SYNPR: variants seen among roughly 807,000 people sequenced by gnomAD.
SYNPR encodes the protein synaptoporin.
In SYNPR, 23 loss-of-function variants were observed where a neutral mutation model predicts 32.9. The ratio of observed to expected loss-of-function variants is 0.70; its 90% CI spans 0.50 to 0.99. The LOEUF (loss-of-function observed/expected upper bound fraction) is 0.99. Among genes scored for constraint, SYNPR ranks in the 50% least tolerant of loss-of-function variants. SYNPR has a pLI of 0.00. For synonymous variants in SYNPR, 146 were observed against 135.9 expected, an observed-to-expected ratio of 1.07 and a Z score of -0.52; for missense variants, 318 against 349.3, an observed-to-expected ratio of 0.91 and a Z score of 0.71.
At chr3:63,300,066 A>C (rs1411969913) in intron 2 of SYNPR, among the ~76,000 whole-genome samples, 1 of 152,114 alleles carries the variant, frequency 6.6e-6, no homozygotes, top group Non-Finnish European at 1.5e-5. Context: ...TGTGTTATTC[A>C]CTATGGTACT....
At chr3:63,279,442 T>C (rs1461176328) in intron 2 of SYNPR, among the ~76,000 whole-genome samples, 1 of 152,162 alleles carries the variant, frequency 6.6e-6, no homozygotes, top group Non-Finnish European at 1.5e-5. Flanking sequence ...TTTAGGAAGT[T>C]GTATTCCACT....
intron 4 of SYNPR, among the ~76,000 whole-genome samples, chr3:63,595,831 AGTTATATATATAG>A (rs1699943843): frequency 8.6e-5 from 5 of 57,934 alleles, no homozygotes; most frequent in East Asian, 4.8e-4. Context: ...ATATATATAT[AGTTATATATATAG>A]TTTTATATAT....
intron 2 of SYNPR, among the ~76,000 whole-genome samples, chr3:63,370,049 C>T (rs2087776531): frequency 6.6e-6 from 1 of 152,064 alleles, no homozygotes. Flanking sequence ...AATTTAAAAC[C>T]TGTTTGTGAG....
At chr3:63,322,304 C>T (rs1243139206) in intron 2 of SYNPR, among the ~76,000 whole-genome samples, 1 of 152,040 alleles carries the variant, frequency 6.6e-6, no homozygotes, top group Non-Finnish European at 1.5e-5. Flanking sequence ...CATTTCAGTG[C>T]CACATGTGGA....
chr3:63,308,831 C>T (rs1017566883), intron 2 of SYNPR, among the ~76,000 whole-genome samples: 23 of 151,912 alleles, frequency 1.5e-4, no homozygotes, highest in African/African-American at 4.8e-4. Context: ...ATTCATTAGA[C>T]TTCCTTGATC....
At chr3:63,425,592 T>C (rs140145541) in intron 2 of SYNPR, among the ~76,000 whole-genome samples, 17 of 152,236 alleles carry the variant, frequency 1.1e-4, no homozygotes, top group African/African-American at 3.4e-4. Context: ...ACTATTTTCA[T>C]TGAATTCTTA....
chr3:63,461,637 C>A (rs1700585716), intron 2 of SYNPR, among the ~76,000 whole-genome samples: 1 of 151,854 alleles, frequency 6.6e-6, no homozygotes, highest in African/African-American at 2.4e-5. Flanking sequence ...ATGCCAGGCT[C>A]TGCTTGTCTT....
chr3:63,353,458 T>G (rs1277728760), intron 2 of SYNPR, among the ~76,000 whole-genome samples: 1 of 152,224 alleles, frequency 6.6e-6, no homozygotes, highest in Non-Finnish European at 1.5e-5. Flanking sequence ...TACTATGTTT[T>G]AAGCATCACA....
rs1454853704 is a variant in SYNPR, at chr3:63,280,885, A to G, written c.84+2143A>G. 3.3e-5 allele frequency among the ~76,000 whole-genome samples: 5 copies of G among 152,308 alleles called. No homozygotes were observed. The East Asian group carries it at 9.6e-4, about 29-fold the overall frequency. On this transcript the variant is annotated intron_variant, in intron 2 of 5. Coordinates refer to ENST00000478300, the MANE Select transcript of SYNPR (RefSeq NM_001130003.2). Reference sequence around the variant, plus strand: ...GAAGGAGGAAGGGCTTTTTGCTTGTACCTCAGTAATTAGACTCTCATTTGT... The same window carrying G: ...GAAGGAGGAAGGGCTTTTTGCTTGTGCCTCAGTAATTAGACTCTCATTTGT...
intron 2 of SYNPR, among the ~76,000 whole-genome samples, chr3:63,360,585 C>A (rs145145429): frequency 6.6e-6 from 1 of 152,308 alleles, no homozygotes; most frequent in African/African-American, 2.4e-5. Context: ...GCTACATCTC[C>A]AAACTCCTTA....
intron 2 of SYNPR, among the ~76,000 whole-genome samples, chr3:63,304,699 A>G (rs1575592121): frequency 6.6e-6 from 1 of 152,130 alleles, no homozygotes; most frequent in Middle Eastern, 3.4e-3. Flanking sequence ...AAGTAAAAAC[A>G]TCAGTCTCAC....
intron 3 of SYNPR, among the ~76,000 whole-genome samples, chr3:63,488,053 T>C (rs144722588): frequency 0.011 from 1,632 of 152,238 alleles, 32 homozygotes; most frequent in African/African-American, 0.037. Flanking sequence ...TGGGCCATTA[T>C]CTAGTAACGC....
upstream of SYNPR, among the ~76,000 whole-genome samples, chr3:63,277,400 C>T (rs1165197714): frequency 1.3e-5 from 2 of 152,084 alleles, no homozygotes; most frequent in African/African-American, 2.4e-5. Context: ...GAGTAAACAA[C>T]GTGAACCACC....
intron 2 of SYNPR, among the ~76,000 whole-genome samples, chr3:63,352,300 T>C (rs1005967078): frequency 6.6e-6 from 1 of 152,132 alleles, no homozygotes; most frequent in Admixed American, 6.5e-5. Context: ...TCTCACCCAG[T>C]TCTCGAAGTG....
chr3:63,460,354 C>T (rs1700559702), intron 2 of SYNPR, among the ~76,000 whole-genome samples: 1 of 152,080 alleles, frequency 6.6e-6, no homozygotes, highest in South Asian at 2.1e-4. Context: ...CCAGAACACT[C>T]TTCTCACCCT....
At chr3:63,546,868 G>A (rs144501632) in intron 3 of SYNPR, among the ~76,000 whole-genome samples, 1,600 of 152,146 alleles carry the variant, frequency 0.011, 16 homozygotes, top group Middle Eastern at 0.041. Context: ...TTTTTAGCAC[G>A]TGCATGCTGT....
intron 3 of SYNPR, among the ~76,000 whole-genome samples, chr3:63,513,446 A>G (rs987534926): frequency 1.3e-5 from 2 of 152,174 alleles, no homozygotes; most frequent in African/African-American, 4.8e-5. Context: ...CAATTCACGT[A>G]GATCCCACTT....
chr3:63,456,074 G>A (rs137934144), intron 2 of SYNPR, among the ~76,000 whole-genome samples: 384 of 152,118 alleles, frequency 2.5e-3, no homozygotes, highest in African/African-American at 8.8e-3. Flanking sequence ...GAGAGAGCTC[G>A]TGCAGGGGAA....
intron 1 of SYNPR, among the ~76,000 whole-genome samples, chr3:63,244,003 G>A (rs1301124206): frequency 6.6e-6 from 1 of 152,028 alleles, no homozygotes; most frequent in Non-Finnish European, 1.5e-5. Context: ...CAAACCAAAG[G>A]AATCTAATAC....
Sources: allele counts gnomAD v4.1 joint callset (sites outside exome capture counted in the v4.1 genomes callset), GRCh38; gene constraint gnomAD v4.1.1; transcripts MANE v1.5; gene names NCBI Gene and HGNC (gene_info 2026-07-23, HGNC 2026-07-21).